The following CRIM1 variants were observed in gnomAD, a reference collection of about 807,000 sequenced individuals.
CRIM1 encodes cysteine rich transmembrane BMP regulator 1.
CRIM1 carries 32 observed loss-of-function variants against 116.4 expected under a neutral mutation model. The observed-to-expected ratio is 0.27, with a 90% CI of 0.21 to 0.37. The LOEUF (loss-of-function observed/expected upper bound fraction) is 0.37, where lower values mean the gene tolerates loss of function less well. Among genes scored for constraint, CRIM1 ranks in the 10% least tolerant of loss-of-function variants. CRIM1 has a pLI of 1.00. For missense variants in CRIM1, 1,331 were observed against 1,354.8 expected, an observed-to-expected ratio of 0.98 and a Z score of 0.28; for synonymous variants, 590 against 509.2, an observed-to-expected ratio of 1.16 and a Z score of -2.13.
intron 13 of CRIM1, among the ~76,000 whole-genome samples, chr2:36,526,638 C>G (rs1167648740): frequency 6.6e-6 from 1 of 152,146 alleles, no homozygotes; most frequent in Non-Finnish European, 1.5e-5. Flanking sequence ...CCACATCAAC[C>G]TTGCTCTAAT....
chr2:36,410,115 T>C (rs772655974), intron 2 of CRIM1, among the ~76,000 whole-genome samples: 1 of 152,198 alleles, frequency 6.6e-6, no homozygotes, highest in Non-Finnish European at 1.5e-5. Flanking sequence ...GCCTGTAAAG[T>C]TGGAAAAGGG....
chr2:36,412,815 G>A (rs554360229), intron 2 of CRIM1, among the ~76,000 whole-genome samples: 28 of 152,116 alleles, frequency 1.8e-4, no homozygotes, highest in Admixed American at 1.6e-3. Flanking sequence ...GATTGATTTT[G>A]TTATATTTCC....
At chr2:36,464,800 A>G (rs1470717665) in intron 5 of CRIM1, 145 bp downstream of exon 5, 1 of 890,982 alleles carries the variant, frequency 1.1e-6, no homozygotes, top group African/African-American at 1.7e-5. Context: ...GGTTTGCTTA[A>G]GATCCACAGT....
At chr2:36,507,993 G>C (rs1035648172) in intron 8 of CRIM1, among the ~76,000 whole-genome samples, 1 of 152,186 alleles carries the variant, frequency 6.6e-6, no homozygotes, top group South Asian at 2.1e-4. Context: ...AAGCATTCTT[G>C]TGACAGAAAA....
intron 4 of CRIM1, among the ~76,000 whole-genome samples, chr2:36,460,647 A>C (rs1282527695): frequency 6.6e-6 from 1 of 152,226 alleles, no homozygotes; most frequent in Non-Finnish European, 1.5e-5. Flanking sequence ...CACAGTAGAG[A>C]AATCTCAGTG....
chr2:36,475,248 T>C (rs1678877510), intron 5 of CRIM1, among the ~76,000 whole-genome samples: 1 of 152,242 alleles, frequency 6.6e-6, no homozygotes, highest in African/African-American at 2.4e-5. Flanking sequence ...CCCGTTTACT[T>C]AGGCCTTTTT....
chr2:36,423,436 T>C, intron 2 of CRIM1, among the ~76,000 whole-genome samples: 1 of 152,358 alleles, frequency 6.6e-6, no homozygotes, highest in African/African-American at 2.4e-5. Flanking sequence ...TTTACAATGT[T>C]CCTTTGTTAA....
chr2:36,361,504 T>C (rs932867869), intron 1 of CRIM1, among the ~76,000 whole-genome samples: 36 of 151,966 alleles, frequency 2.4e-4, no homozygotes, highest in African/African-American at 8.5e-4. Context: ...GGGGGATATA[T>C]TGTAGATGAA....
At chr2:36,490,094 G>A (rs1680119757) in intron 7 of CRIM1, among the ~76,000 whole-genome samples, 1 of 152,162 alleles carries the variant, frequency 6.6e-6, no homozygotes, top group Non-Finnish European at 1.5e-5. Flanking sequence ...ACAACAGGCA[G>A]GGTTCAGAAT....
chr2:36,366,364 C>G (rs911597440), intron 1 of CRIM1, among the ~76,000 whole-genome samples: 4 of 151,994 alleles, frequency 2.6e-5, no homozygotes, highest in African/African-American at 9.7e-5. Flanking sequence ...CAAAATAACA[C>G]CCTAATTCAG....
chr2:36,377,118 C>G (rs1670382205), intron 1 of CRIM1, among the ~76,000 whole-genome samples: 1 of 152,232 alleles, frequency 6.6e-6, no homozygotes, highest in Non-Finnish European at 1.5e-5. Context: ...GCCCTGCACA[C>G]AGGTGTTTTC....
rs375121425 is a variant in CRIM1, at chr2:36,517,292, T to A, written c.1991-35T>A. 3 of 1,561,870 alleles carry A rather than the reference T, an allele frequency of 1.9e-6. No individual in the cohort carries two copies. The African/African-American group carries it at 4.1e-5, about 21-fold the overall frequency. On this transcript the variant is annotated intron_variant, in intron 11 of 16. Transcript: ENST00000280527. Reference sequence around the variant, plus strand: ...TTTCAAGAGTTGGAAAGATTGCAGATGAATAATGTGTTCTGATTTTGTGTC... The same window carrying A: ...TTTCAAGAGTTGGAAAGATTGCAGAAGAATAATGTGTTCTGATTTTGTGTC...
At chr2:36,379,451 C>T (rs1434341360) in intron 1 of CRIM1, among the ~76,000 whole-genome samples, 1 of 152,216 alleles carries the variant, frequency 6.6e-6, no homozygotes, top group East Asian at 1.9e-4. Context: ...TAGTTCCACA[C>T]TCTGCTGGGG....
At chr2:36,393,270 G>A (rs1371416931) in intron 1 of CRIM1, among the ~76,000 whole-genome samples, 2 of 152,140 alleles carry the variant, frequency 1.3e-5, no homozygotes, top group Non-Finnish European at 2.9e-5. Flanking sequence ...TGAAATGTGT[G>A]CCTCATACAG....
In CRIM1 at chr2:36,499,365, T is replaced by C; in HGVS notation, c.1501+18T>C. The stretch of plus-strand genomic sequence containing the variant: ...CATAAACAGTGAGTAGACAGAAGAC[T>C]GTATGTTTTTTCTGAGGCCTAATAT... On this transcript the variant is annotated intron_variant, in intron 8 of 16. Coordinates refer to ENST00000280527, the MANE Select transcript of CRIM1 (RefSeq NM_016441.3). The C allele has an allele frequency of 6.2e-7, 1 of 1,611,936 alleles. No individual in the cohort carries two copies.
intron 2 of CRIM1, among the ~76,000 whole-genome samples, chr2:36,403,411 T>C (rs1672561029): frequency 1.3e-5 from 2 of 152,266 alleles, no homozygotes; most frequent in South Asian, 4.1e-4. Context: ...TTGTTTTATA[T>C]TGAGTGGACA....
chr2:36,472,488 T>C (rs1678606646), intron 5 of CRIM1, among the ~76,000 whole-genome samples: 2 of 152,204 alleles, frequency 1.3e-5, no homozygotes, highest in African/African-American at 2.4e-5. Flanking sequence ...TTGATCCTTG[T>C]GCTTTTGCTA....
chr2:36,539,240 T>C (rs574894179), intron 14 of CRIM1, among the ~76,000 whole-genome samples: 1 of 152,098 alleles, frequency 6.6e-6, no homozygotes, highest in Non-Finnish European at 1.5e-5. Flanking sequence ...AGACCCAGAA[T>C]TGCAGTTCTC....
At chr2:36,368,416 C>T (rs1669735561) in intron 1 of CRIM1, among the ~76,000 whole-genome samples, 2 of 152,248 alleles carry the variant, frequency 1.3e-5, no homozygotes, top group Non-Finnish European at 2.9e-5. Flanking sequence ...CCAGAAACTT[C>T]ACCCTTCCTT....
Sources: allele counts gnomAD v4.1 joint callset (sites outside exome capture counted in the v4.1 genomes callset), GRCh38; gene constraint gnomAD v4.1.1; transcripts MANE v1.5; gene names NCBI Gene and HGNC (gene_info 2026-07-23, HGNC 2026-07-21).